The following MARCHF5 variants were observed in gnomAD, a reference collection of about 807,000 sequenced individuals.
The protein encoded by MARCHF5 is membrane associated ring-CH-type finger 5.
Under a neutral mutation model 36.5 loss-of-function variants are expected in MARCHF5, and 5 were observed. The observed-to-expected ratio is 0.14, with a 90% confidence interval of 0.07 to 0.29. The LOEUF (loss-of-function observed/expected upper bound fraction) is 0.29. Ranked by LOEUF, MARCHF5 falls within the 10% of genes least tolerant of loss-of-function variation. The pLI is 1.00. For missense variants in MARCHF5, 179 were observed against 336.3 expected (o/e 0.53, Z 3.66); for synonymous variants, 103 against 109.9 (o/e 0.94, Z 0.39).
intron 3 of MARCHF5, among the ~76,000 whole-genome samples, chr10:92,343,407 T>C (rs1160026179): frequency 1.3e-5 from 2 of 152,238 alleles, no homozygotes; most frequent in African/African-American, 2.4e-5. Context: ...ACATTTCTTA[T>C]ATAGATTATC....
At chr10:92,323,633 C>T (rs1415118260) in intron 2 of MARCHF5, among the ~76,000 whole-genome samples, 4 of 152,110 alleles carry the variant, frequency 2.6e-5, no homozygotes, top group African/African-American at 7.2e-5. Context: ...TTCCCTTTTC[C>T]ACAAGGTCAT....
chr10:92,291,689 G>C (rs1012916016), intron 1 of MARCHF5, 160 bp downstream of exon 1: 1 of 681,354 alleles, frequency 1.5e-6, no homozygotes, highest in African/African-American at 1.9e-5. Context: ...TCTAGACCTG[G>C]GGGAGGACAG....
At chr10:92,323,983 C>G (rs930257771) in intron 2 of MARCHF5, among the ~76,000 whole-genome samples, 1 of 152,188 alleles carries the variant, frequency 6.6e-6, no homozygotes, top group Non-Finnish European at 1.5e-5. Flanking sequence ...TTGAAACTAT[C>G]CTCCAAAGTG....
chr10:92,293,844 A>G (rs1387038749), intron 1 of MARCHF5, among the ~76,000 whole-genome samples: 1 of 152,016 alleles, frequency 6.6e-6, no homozygotes. Context: ...TCTGGCTGCC[A>G]TTTACTGAAG....
rs569215005 is a variant in MARCHF5, at chr10:92,291,222, C to A, written c.-273C>A. ...CAACTCGGCGCCCGCGGTCCATGGA[C>A]CGGAACCTCGGGCCGACGGACGGGA... On this transcript the variant is annotated 5_prime_UTR_variant, in exon 1 of 6. Transcript: ENST00000358935. The A allele has an allele frequency of 2.1e-5, 11 of 533,846 alleles. No homozygotes were observed. The African/African-American group carries it at 2.2e-4, about 11-fold the overall frequency. 33.1% of individuals were successfully genotyped at this position (533,846 alleles called of 1,614,324 possible).
intron 2 of MARCHF5, among the ~76,000 whole-genome samples, chr10:92,339,019 T>A (rs1785104757): frequency 6.7e-6 from 1 of 148,744 alleles, no homozygotes; most frequent in Non-Finnish European, 1.5e-5. Flanking sequence ...CACTCCAGCC[T>A]GGGCAACAAA....
intron 2 of MARCHF5, among the ~76,000 whole-genome samples, chr10:92,323,710 TC>T (rs942927496): frequency 5.3e-5 from 8 of 152,236 alleles, no homozygotes; most frequent in Admixed American, 3.3e-4. Flanking sequence ...GCATTTAATT[TC>T]CTCTGTGTCT....
intron 2 of MARCHF5, among the ~76,000 whole-genome samples, chr10:92,322,064 GA>G (rs1297547387): frequency 6.6e-6 from 1 of 151,434 alleles, no homozygotes; most frequent in Non-Finnish European, 1.5e-5. Context: ...GACCAACATG[GA>G]AAAACCCCGT....
intron 1 of MARCHF5, among the ~76,000 whole-genome samples, chr10:92,304,706 G>A (rs966255411): frequency 3.3e-5 from 5 of 152,180 alleles, no homozygotes; most frequent in Non-Finnish European, 7.3e-5. Flanking sequence ...TGGTTTGCTT[G>A]CACTCATTAT....
At chr10:92,349,046 A>C (rs888301528) in intron 3 of MARCHF5, among the ~76,000 whole-genome samples, 1 of 152,196 alleles carries the variant, frequency 6.6e-6, no homozygotes, top group Non-Finnish European at 1.5e-5. Context: ...ACCAAATCAA[A>C]TAAAGGAATA....
At chr10:92,341,206 C>G (rs1169141247) in intron 3 of MARCHF5, among the ~76,000 whole-genome samples, 1 of 152,062 alleles carries the variant, frequency 6.6e-6, no homozygotes, top group East Asian at 1.9e-4. Context: ...AGTTCGAGAC[C>G]AGCCTGGCAA....
intron 1 of MARCHF5, among the ~76,000 whole-genome samples, chr10:92,294,301 A>C (rs776333078): frequency 5.3e-5 from 8 of 152,218 alleles, no homozygotes; most frequent in Non-Finnish European, 1.2e-4. Flanking sequence ...TATCATTTAT[A>C]AAATGAGAAC....
In MARCHF5 at chr10:92,339,541, A is replaced by G. The variant is rs561187257; in HGVS notation, c.239-1132A>G. ...AAAAATTAGCTGGGCATGGTGGCAG[A>G]CGCCTGTAATCCTAGCTACTCAGGA... is the stretch of plus-strand genomic sequence containing the variant. On this transcript the variant is annotated intron_variant, in intron 2 of 5. Coordinates refer to ENST00000358935, the MANE Select transcript of MARCHF5 (RefSeq NM_017824.5). Among the ~76,000 whole-genome samples, 278 of 152,082 alleles carry G rather than the reference A, an allele frequency of 1.8e-3. 9 individuals are homozygous for G. The South Asian group carries it at 0.056, about 31-fold the overall frequency.
At chr10:92,324,562 C>T (rs1018138424) in intron 2 of MARCHF5, among the ~76,000 whole-genome samples, 2 of 152,168 alleles carry the variant, frequency 1.3e-5, no homozygotes, top group African/African-American at 4.8e-5. Context: ...CAGGGTTTCA[C>T]TGTGTTAGCT....
chr10:92,348,054 A>G (rs938513382), intron 3 of MARCHF5, among the ~76,000 whole-genome samples: 1 of 151,676 alleles, frequency 6.6e-6, no homozygotes, highest in African/African-American at 2.4e-5. Flanking sequence ...GTGGAGGTGC[A>G]CACCTGTAAT....
intron 2 of MARCHF5, among the ~76,000 whole-genome samples, chr10:92,330,363 A>G (rs1047051643): frequency 1.3e-5 from 2 of 152,180 alleles, no homozygotes; most frequent in African/African-American, 4.8e-5. Context: ...ACAGGTCCAA[A>G]ACATAACTAT....
At chr10:92,327,114 G>T (rs755387330) in intron 2 of MARCHF5, among the ~76,000 whole-genome samples, 1 of 152,068 alleles carries the variant, frequency 6.6e-6, no homozygotes, top group Non-Finnish European at 1.5e-5. Flanking sequence ...AGTACCCAGG[G>T]TTTAGCAAGC....
chr10:92,319,873 C>T (rs994931756), intron 2 of MARCHF5, among the ~76,000 whole-genome samples: 1 of 148,556 alleles, frequency 6.7e-6, no homozygotes, highest in African/African-American at 2.5e-5. Context: ...AGGCTGGTCT[C>T]GAGCTTCTGA....
intron 1 of MARCHF5, among the ~76,000 whole-genome samples, chr10:92,305,151 G>A (rs761496535): frequency 7.2e-5 from 11 of 152,172 alleles, no homozygotes; most frequent in Non-Finnish European, 1.5e-4. Context: ...GCTCACACCG[G>A]TAATCCCAGC....
Sources: allele counts gnomAD v4.1 joint callset (sites outside exome capture counted in the v4.1 genomes callset), GRCh38; gene constraint gnomAD v4.1.1; transcripts MANE v1.5; gene names NCBI Gene and HGNC (gene_info 2026-07-23, HGNC 2026-07-21).